RBMS1: variants seen among roughly 807,000 people sequenced by gnomAD.
RBMS1 encodes the protein RNA binding motif single stranded interacting protein 1, also known as RNA-binding motif, single-stranded-interacting protein 1.
RBMS1 carries 17 observed loss-of-function variants against 62.3 expected under a neutral mutation model. The observed-to-expected ratio is 0.27, with a 90% CI of 0.19 to 0.41. RBMS1 has a LOEUF of 0.41. RBMS1 is among the 10% of genes least tolerant of loss of function. The pLI is 1.00. For synonymous variants in RBMS1, 172 were observed against 170.0 expected, an observed-to-expected ratio of 1.01 and a Z score of -0.09; for missense variants, 334 against 504.5, an observed-to-expected ratio of 0.66 and a Z score of 3.24.
chr2:160,358,005 A>G (rs1692900775), intron 2 of RBMS1, among the ~76,000 whole-genome samples: 1 of 152,172 alleles, frequency 6.6e-6, no homozygotes, highest in Admixed American at 6.6e-5. Context: ...TACATAAAGT[A>G]TTACTTAAAG....
chr2:160,448,289 C>T (rs1029587789), intron 1 of RBMS1, among the ~76,000 whole-genome samples: 1 of 150,306 alleles, frequency 6.7e-6, no homozygotes, highest in African/African-American at 2.5e-5. Context: ...CTCCCCCTCC[C>T]CCTCCCCCTC....
At position 160,483,473 on chromosome 2, in the gene RBMS1, T is replaced by C. The variant is rs183463580; in HGVS notation, c.75+9816A>G. Reference sequence around the variant, plus strand: ...ACTTATACGTTACCAAATAAAATTTTATTTAAAATTTCCATATAAAATTGG... The same window carrying C: ...ACTTATACGTTACCAAATAAAATTTCATTTAAAATTTCCATATAAAATTGG... On this transcript the variant is annotated intron_variant, in intron 1 of 13. Coordinates refer to ENST00000348849, the MANE Select transcript of RBMS1 (RefSeq NM_016836.4). Among the ~76,000 whole-genome samples, 163 of 152,330 alleles carry C rather than the reference T, an allele frequency of 1.1e-3. 2 individuals carry two copies. The highest frequency in any genetic ancestry group is 1.8e-3 in the Non-Finnish European group (125 of 68,026).
At chr2:160,377,372 G>C (rs1694055672) in intron 1 of RBMS1, among the ~76,000 whole-genome samples, 1 of 152,168 alleles carries the variant, frequency 6.6e-6, no homozygotes, top group Non-Finnish European at 1.5e-5. Flanking sequence ...TTCTCAAACT[G>C]ATGTGCACGT....
chr2:160,329,010 T>C (rs963560578), intron 2 of RBMS1, among the ~76,000 whole-genome samples: 1 of 152,142 alleles, frequency 6.6e-6, no homozygotes, highest in Middle Eastern at 3.2e-3. Flanking sequence ...TACCTAGAAA[T>C]TTCTCTTGAT....
chr2:160,342,447 G>A (rs759500756), intron 2 of RBMS1, among the ~76,000 whole-genome samples: 2 of 151,932 alleles, frequency 1.3e-5, no homozygotes, highest in African/African-American at 4.8e-5. Flanking sequence ...CACTCCACCC[G>A]GAAGCAAGCA....
At chr2:160,362,104 A>G (rs1173818173) in intron 2 of RBMS1, among the ~76,000 whole-genome samples, 4 of 152,250 alleles carry the variant, frequency 2.6e-5, no homozygotes, top group African/African-American at 9.6e-5. Flanking sequence ...CACTTCTCTC[A>G]GCCTTCACAG....
intron 2 of RBMS1, among the ~76,000 whole-genome samples, chr2:160,363,846 A>C (rs1164650905): frequency 3.3e-5 from 5 of 152,174 alleles, no homozygotes; most frequent in Admixed American, 6.5e-5. Context: ...ACTATGGAGG[A>C]GGCAGCCAAG....
At chr2:160,319,651 A>G (rs1337855391) in intron 2 of RBMS1, among the ~76,000 whole-genome samples, 1 of 152,222 alleles carries the variant, frequency 6.6e-6, no homozygotes, top group Non-Finnish European at 1.5e-5. Context: ...CATTTGCTCT[A>G]CTTTAATTTT....
At position 160,468,027 on chromosome 2, in the gene RBMS1, T is replaced by C. The variant is rs1684765276; in HGVS notation, c.75+25262A>G. 4.6e-5 allele frequency among the ~76,000 whole-genome samples: 7 copies of C among 152,148 alleles called. No homozygotes were observed. The South Asian group carries it at 1.5e-3, about 32-fold the overall frequency. Reference sequence around the variant, plus strand: ...GATTGGTAGTGTCCCTGAATGGCTATCACAAGCAAACACAAATCTCCTCTG... The same window carrying C: ...GATTGGTAGTGTCCCTGAATGGCTACCACAAGCAAACACAAATCTCCTCTG... On this transcript the variant is annotated intron_variant, in intron 1 of 13. Transcript: ENST00000348849.
chr2:160,385,949 T>C (rs1694548446), intron 1 of RBMS1, among the ~76,000 whole-genome samples: 2 of 152,212 alleles, frequency 1.3e-5, no homozygotes, highest in South Asian at 4.1e-4. Context: ...GAACCTGGCT[T>C]CCAAACATGG....
At chr2:160,405,903 G>A (rs1695679321) in intron 1 of RBMS1, among the ~76,000 whole-genome samples, 1 of 152,142 alleles carries the variant, frequency 6.6e-6, no homozygotes, top group Non-Finnish European at 1.5e-5. Context: ...CAGGTAGAGT[G>A]AGGTGGGTGG....
At chr2:160,488,973 C>T (rs1685714150) in intron 1 of RBMS1, among the ~76,000 whole-genome samples, 1 of 152,192 alleles carries the variant, frequency 6.6e-6, no homozygotes, top group African/African-American at 2.4e-5. Context: ...AAATTCCCCA[C>T]ATTTGAATTT....
At position 160,324,882 on chromosome 2, in the gene RBMS1, G is replaced by GTGTA. The variant is rs1206910746; in HGVS notation, c.252-6656_252-6655insTACA. On this transcript the variant is annotated intron_variant, in intron 2 of 13. Transcript: ENST00000348849. Reference sequence around the variant, plus strand: ...CTAAGCGAGATGTGTGTGTGTGTGTGTATATATATATATATATATATATAT... The same window carrying GTGTA: ...CTAAGCGAGATGTGTGTGTGTGTGTGTGTATATATATATATATATATATATATAT... Among the ~76,000 whole-genome samples the GTGTA allele has an allele frequency of 8.0e-5, 8 of 100,012 alleles. No homozygotes were observed. In the East Asian group the frequency reaches 1.3e-3, roughly 17 times the overall value. 65.6% of individuals were successfully genotyped at this position (100,012 alleles called of 152,430 possible).
chr2:160,443,596 T>C (rs983714483), intron 1 of RBMS1, among the ~76,000 whole-genome samples: 1 of 151,852 alleles, frequency 6.6e-6, no homozygotes, highest in Admixed American at 6.6e-5. Flanking sequence ...GCTTTCGCCA[T>C]GTGAAGTGCC....
chr2:160,367,895 A>T (rs530789348), intron 1 of RBMS1, among the ~76,000 whole-genome samples: 3 of 152,352 alleles, frequency 2.0e-5, no homozygotes, highest in African/African-American at 7.2e-5. Flanking sequence ...CCTAGTTCTA[A>T]GACAGGCACA....
At chr2:160,451,704 G>A (rs1684000314) in intron 1 of RBMS1, among the ~76,000 whole-genome samples, 1 of 152,020 alleles carries the variant, frequency 6.6e-6, no homozygotes, top group Admixed American at 6.6e-5. Flanking sequence ...CATCTCCTGG[G>A]CTCAAGCAAT....
At chr2:160,297,593 C>G (rs566905999) in intron 6 of RBMS1, among the ~76,000 whole-genome samples, 1 of 152,210 alleles carries the variant, frequency 6.6e-6, no homozygotes, top group African/African-American at 2.4e-5. Flanking sequence ...ACAGCACACA[C>G]GGAGGTGTCC....
Position 160,364,588 on chromosome 2 carries a change from C to G in RBMS1, c.251+2628G>C, listed in dbSNP as rs1693300814. On this transcript the variant is annotated intron_variant, in intron 2 of 13. Transcript: ENST00000348849. ...GGGTGGGGCTGCCTTTCCCTGTCAT[C>G]TCAATATCACAACATCTGCTTTTCC... 2.0e-5 allele frequency among the ~76,000 whole-genome samples: 3 copies of G among 152,204 alleles called. No homozygotes were observed. In the South Asian group the frequency reaches 6.2e-4, roughly 32 times the overall value.
chr2:160,481,059 C>A (rs1685348340), intron 1 of RBMS1, among the ~76,000 whole-genome samples: 3 of 134,136 alleles, frequency 2.2e-5, no homozygotes, highest in South Asian at 4.8e-4. Context: ...CCAGCCTAGG[C>A]AACAGAGTGA....
Sources: allele counts gnomAD v4.1 joint callset (sites outside exome capture counted in the v4.1 genomes callset), GRCh38; gene constraint gnomAD v4.1.1; transcripts MANE v1.5; gene names NCBI Gene and HGNC (gene_info 2026-07-23, HGNC 2026-07-21).